NRXN3: variants seen among roughly 807,000 people sequenced by gnomAD.
NRXN3 encodes the protein neurexin 3.
In NRXN3, 32 loss-of-function variants were observed where a neutral mutation model predicts 137.6. The observed-to-expected ratio is 0.23, with a 90% CI of 0.18 to 0.31. The LOEUF is 0.31. NRXN3 is among the 10% of genes least tolerant of loss of function. The pLI is 1.00. For synonymous variants in NRXN3, 798 were observed against 784.5 expected, an observed-to-expected ratio of 1.02 and a Z score of -0.29; for missense variants, 1,574 against 2,062.5, an observed-to-expected ratio of 0.76 and a Z score of 4.59.
chr14:79,663,688 A>G (rs2098545116), intron 16 of NRXN3, 90 bp from the exon 17 acceptor site: 1 of 1,089,040 alleles, frequency 9.2e-7, no homozygotes, highest in Non-Finnish European at 1.3e-6. Flanking sequence ...CTGGGCACCT[A>G]CAGGTTTATT....
chr14:79,672,339 C>T (rs1229495844), intron 17 of NRXN3, among the ~76,000 whole-genome samples: 2 of 151,946 alleles, frequency 1.3e-5, no homozygotes, highest in African/African-American at 2.4e-5. Flanking sequence ...TTGAGGGTCA[C>T]TTCTAGGTAC....
At chr14:79,352,010 G>C (rs551627773) in intron 15 of NRXN3, among the ~76,000 whole-genome samples, 1 of 152,290 alleles carries the variant, frequency 6.6e-6, no homozygotes, top group African/African-American at 2.4e-5. Flanking sequence ...TTACATTTCT[G>C]AGTTAGAAGT....
At chr14:79,220,335 G>C (rs2069340435) in intron 15 of NRXN3, among the ~76,000 whole-genome samples, 1 of 151,824 alleles carries the variant, frequency 6.6e-6, no homozygotes, top group South Asian at 2.1e-4. Flanking sequence ...TAGTAAAATT[G>C]AGCAGAAAGT....
intron 15 of NRXN3, among the ~76,000 whole-genome samples, chr14:79,382,266 C>G (rs2094491697): frequency 6.6e-6 from 1 of 152,152 alleles, no homozygotes; most frequent in Admixed American, 6.5e-5. Context: ...TTTACCAAGA[C>G]AATTTTGGGT....
intron 20 of NRXN3, among the ~76,000 whole-genome samples, chr14:79,846,253 G>A (rs970282538): frequency 1.3e-5 from 2 of 152,126 alleles, no homozygotes; most frequent in South Asian, 4.1e-4. Flanking sequence ...GTAAAGCAAA[G>A]CACAATAAAA....
At chr14:78,644,922 C>T (rs1211176332) in intron 4 of NRXN3, among the ~76,000 whole-genome samples, 198 bp from the exon 5 acceptor site, 1 of 152,220 alleles carries the variant, frequency 6.6e-6, no homozygotes, top group Non-Finnish European at 1.5e-5. Flanking sequence ...GTGGACACGT[C>T]GTTTCTCTGC....
chr14:79,670,721 T>C (rs1325371984), intron 17 of NRXN3, among the ~76,000 whole-genome samples: 2 of 152,142 alleles, frequency 1.3e-5, no homozygotes, highest in Non-Finnish European at 1.5e-5. Flanking sequence ...ATTGTGTTCA[T>C]TGTTCTGTCT....
At chr14:79,286,258 A>T (rs1375438303) in intron 15 of NRXN3, among the ~76,000 whole-genome samples, 1 of 152,042 alleles carries the variant, frequency 6.6e-6, no homozygotes, top group African/African-American at 2.4e-5. Flanking sequence ...TATGAACTAC[A>T]GTTGTTTGCT....
At position 79,029,930 on chromosome 14, in the gene NRXN3, T is replaced by G. The variant is rs568856554; in HGVS notation, c.3262+41789T>G. On this transcript the variant is annotated intron_variant, in intron 15 of 20. Transcript: ENST00000335750. ...GGCATGATCTCAGTTCACTGCAACC[T>G]CTGCCTCTGAGGCTTAATTGATCCT... Among the ~76,000 whole-genome samples the G allele has an allele frequency of 3.3e-5, 5 of 152,110 alleles. No homozygotes were observed. The East Asian group carries it at 9.7e-4, about 29-fold the overall frequency.
At chr14:79,244,042 G>T (rs534440607) in intron 15 of NRXN3, among the ~76,000 whole-genome samples, 7 of 152,166 alleles carry the variant, frequency 4.6e-5, no homozygotes, top group Admixed American at 3.3e-4. Flanking sequence ...CCTTATCCTT[G>T]CACAATTATC....
intron 4 of NRXN3, among the ~76,000 whole-genome samples, chr14:78,564,654 C>T (rs530783191): frequency 4.6e-5 from 7 of 152,266 alleles, no homozygotes; most frequent in East Asian, 1.9e-4. Flanking sequence ...GAAGGTCCTT[C>T]GATCTGGTCT....
At chr14:79,739,397 C>T (rs926725663) in intron 19 of NRXN3, among the ~76,000 whole-genome samples, 2 of 152,042 alleles carry the variant, frequency 1.3e-5, no homozygotes, top group Non-Finnish European at 2.9e-5. Context: ...GTAATCTCAG[C>T]ATTTTGGGAG....
intron 4 of NRXN3, among the ~76,000 whole-genome samples, chr14:78,640,737 G>A (rs546594975): frequency 6.6e-6 from 1 of 152,254 alleles, no homozygotes; most frequent in South Asian, 2.1e-4. Context: ...TATCTAGATT[G>A]CATCTAGTGT....
At chr14:79,258,023 G>T (rs2077035174) in intron 15 of NRXN3, among the ~76,000 whole-genome samples, 1 of 152,012 alleles carries the variant, frequency 6.6e-6, no homozygotes, top group Non-Finnish European at 1.5e-5. Flanking sequence ...CTTCCTACAA[G>T]ACATAATGAA....
chr14:79,645,244 G>A (rs1214722956), intron 16 of NRXN3, among the ~76,000 whole-genome samples: 1 of 135,068 alleles, frequency 7.4e-6, no homozygotes, highest in African/African-American at 2.5e-5. Context: ...CTTAAAATAA[G>A]CCTTTGGAAT....
chr14:79,048,119 G>A (rs1020451662), intron 15 of NRXN3, among the ~76,000 whole-genome samples: 4 of 152,024 alleles, frequency 2.6e-5, no homozygotes, highest in Non-Finnish European at 5.9e-5. Context: ...GCAACAACAT[G>A]TATGCATCTC....
chr14:79,120,377 G>A (rs753641925), intron 15 of NRXN3, among the ~76,000 whole-genome samples: 3 of 152,018 alleles, frequency 2.0e-5, no homozygotes, highest in Non-Finnish European at 2.9e-5. Flanking sequence ...GAGGTCATGA[G>A]TTCACACTGA....
chr14:78,374,765 T>G, intron 4 of NRXN3, among the ~76,000 whole-genome samples: 2 of 40,960 alleles, frequency 4.9e-5, no homozygotes, highest in African/African-American at 1.0e-4. Context: ...TGAGACTCCA[T>G]CTCCAAAAAA....
intron 4 of NRXN3, among the ~76,000 whole-genome samples, chr14:78,317,047 T>C (rs1196622175): frequency 6.6e-6 from 1 of 152,210 alleles, no homozygotes; most frequent in East Asian, 1.9e-4. Context: ...AGAAGTCTTA[T>C]GATCTGCCGT....
Sources: allele counts gnomAD v4.1 joint callset (sites outside exome capture counted in the v4.1 genomes callset), GRCh38; gene constraint gnomAD v4.1.1; transcripts MANE v1.5; gene names NCBI Gene and HGNC (gene_info 2026-07-23, HGNC 2026-07-21).